The following ABCB5 variants were observed in gnomAD, a reference collection of about 807,000 sequenced individuals.
ABCB5 encodes the protein ATP-binding cassette sub-family B member 5.
In ABCB5, 155 loss-of-function variants were observed where a neutral mutation model predicts 144.2. That is an observed-to-expected ratio of 1.08 (90% CI 0.94 to 1.23). The LOEUF (loss-of-function observed/expected upper bound fraction) is 1.23, where lower values mean the gene tolerates loss of function less well. ABCB5 is among the 50% of genes most tolerant of loss of function. The probability of loss-of-function intolerance (pLI) is 0.00; values close to 1 mark genes in which losing one functional copy is unlikely to be tolerated. For synonymous variants in ABCB5, 610 were observed against 528.6 expected (o/e 1.15, Z -2.11); for missense variants, 1,830 against 1,520.8 (o/e 1.20, Z -3.38).
At chr7:20,668,739 G>A (rs1355929960) in intron 14 of ABCB5, among the ~76,000 whole-genome samples, 46 of 141,350 alleles carry the variant, frequency 3.3e-4, no homozygotes, top group Non-Finnish European at 5.0e-4. Context: ...TCAGCCCCCC[G>A]CCCGGCCAGC....
intron 9 of ABCB5, 86 bp from the exon 10 acceptor site, chr7:20,647,449 G>C: frequency 6.9e-7 from 1 of 1,445,740 alleles, no homozygotes; most frequent in Non-Finnish European, 9.1e-7. Flanking sequence ...CTCTCTGTGA[G>C]CCTAAACCAA....
chr7:20,622,633 T>C (rs1783824856), intron 1 of ABCB5, among the ~76,000 whole-genome samples: 1 of 152,234 alleles, frequency 6.6e-6, no homozygotes, highest in African/African-American at 2.4e-5. Flanking sequence ...AGATCCATAA[T>C]AAAATGATAA....
chr7:20,721,496 T>G (rs2128049352), intron 20 of ABCB5, among the ~76,000 whole-genome samples: 1 of 152,328 alleles, frequency 6.6e-6, no homozygotes, highest in African/African-American at 2.4e-5. Flanking sequence ...TTACTATTTA[T>G]TTTTGACCTT....
At chr7:20,674,155 T>C (rs1289673567) in intron 14 of ABCB5, among the ~76,000 whole-genome samples, 1 of 151,994 alleles carries the variant, frequency 6.6e-6, no homozygotes, top group Admixed American at 6.5e-5. Context: ...TCATTAGTTT[T>C]TAAAAAAATT....
chr7:20,749,885 A>G (rs1232989659), intron 26 of ABCB5, among the ~76,000 whole-genome samples: 1 of 152,206 alleles, frequency 6.6e-6, no homozygotes, highest in African/African-American at 2.4e-5. Flanking sequence ...AGCCTGAGCA[A>G]AAACATGGAG....
chr7:20,728,401 G>T lies in ABCB5; in HGVS notation c.2813G>T (p.Arg938Leu). 2.5e-6 allele frequency: 4 copies of T among 1,614,162 alleles called. No homozygotes were observed. The highest frequency in any genetic ancestry group is 3.4e-6 in the Non-Finnish European group (4 of 1,180,024). The part of the protein sequence containing the change: ...FIYFAYAAGF[R>L]FGAYLIQAGR... ...TATTTTGCCTATGCGGCAGGGTTTC[G>T]ATTTGGAGCCTATTTAATTCAAGCT... Residue 938 changes from arginine (R) to leucine (L), a missense_variant, in exon 23 of 28, where the codon CGA becomes CTA. Coordinates refer to ENST00000404938, the MANE Select transcript of ABCB5 (RefSeq NM_001163941.2).
At chr7:20,638,660 G>A (rs1583384435) in intron 5 of ABCB5, among the ~76,000 whole-genome samples, 1 of 152,102 alleles carries the variant, frequency 6.6e-6, no homozygotes, top group Non-Finnish European at 1.5e-5. Context: ...TGTTTTTGAG[G>A]TTCATCCATG....
At chr7:20,711,629 T>C (rs984279978) in intron 20 of ABCB5, among the ~76,000 whole-genome samples, 1 of 148,028 alleles carries the variant, frequency 6.8e-6, no homozygotes, top group Non-Finnish European at 1.5e-5. Context: ...GTCCAGTTAA[T>C]TGTTTGTAGA....
intron 16 of ABCB5, among the ~76,000 whole-genome samples, chr7:20,686,290 G>A (rs746913836): frequency 5.3e-5 from 8 of 152,106 alleles, no homozygotes; most frequent in Non-Finnish European, 8.8e-5. Flanking sequence ...ACTTGGATGG[G>A]AGTATTTGTT....
intron 1 of ABCB5, among the ~76,000 whole-genome samples, chr7:20,620,637 G>A (rs1198069120): frequency 6.6e-6 from 1 of 151,998 alleles, no homozygotes; most frequent in African/African-American, 2.4e-5. Context: ...GTAAGCATAT[G>A]AGATACTCAA....
chr7:20,686,049 T>C (rs754539023), intron 16 of ABCB5, among the ~76,000 whole-genome samples: 5 of 152,120 alleles, frequency 3.3e-5, no homozygotes, highest in Non-Finnish European at 7.4e-5. Flanking sequence ...CCCTTCTTTA[T>C]TGGGGAAAAA....
chr7:20,640,807 C>T (rs1037687553), intron 5 of ABCB5, among the ~76,000 whole-genome samples: 3 of 152,168 alleles, frequency 2.0e-5, no homozygotes, highest in Non-Finnish European at 4.4e-5. Flanking sequence ...TAATGAGCAT[C>T]AATTGTATTT....
chr7:20,655,424 G>C (rs374433319), intron 13 of ABCB5, among the ~76,000 whole-genome samples: 138 of 152,222 alleles, frequency 9.1e-4, no homozygotes, highest in African/African-American at 3.0e-3. Flanking sequence ...AGTGAGCTGA[G>C]ATAGCACCAC....
At chr7:20,740,971 G>T (rs1445036234) in intron 24 of ABCB5, among the ~76,000 whole-genome samples, 1 of 151,702 alleles carries the variant, frequency 6.6e-6, no homozygotes, top group African/African-American at 2.4e-5. Context: ...GGGTGTGGGG[G>T]CAATGCCTGT....
intron 1 of ABCB5, among the ~76,000 whole-genome samples, chr7:20,618,075 G>C (rs1453271881): frequency 1.3e-5 from 2 of 152,138 alleles, no homozygotes; most frequent in Non-Finnish European, 2.9e-5. Context: ...ATCATAGAAT[G>C]TACCCATTTA....
At position 20,753,421 on chromosome 7, in the gene ABCB5, T is replaced by G; in HGVS notation, c.3491T>G (p.Leu1164Arg). 1 of 1,614,166 alleles carries G rather than the reference T, an allele frequency of 6.2e-7. No individual in the cohort carries two copies. The change falls in exon 27 of 28, where the codon CTA becomes CGA. Residue 1164 changes from leucine to arginine, a missense_variant. Leu to Arg is a moderately radical substitution (Grantham distance 102, BLOSUM62 -2). Transcript: ENST00000404938. ...CTTTCTGGCGGCCAGAAACAAAGAC[T>G]AGCTATTGCAAGGGCTCTTCTCCAA... is the stretch of plus-strand genomic sequence containing the variant. Reference protein sequence around the residue: ...AQLSGGQKQRLAIARALLQKP... With the variant: ...AQLSGGQKQRRAIARALLQKP...
chr7:20,720,833 A>G (rs939426571), intron 20 of ABCB5, among the ~76,000 whole-genome samples: 19 of 151,096 alleles, frequency 1.3e-4, no homozygotes, highest in African/African-American at 4.6e-4. Context: ...AGTCCCAGCT[A>G]CACGGGAGGC....
intron 20 of ABCB5, among the ~76,000 whole-genome samples, chr7:20,710,345 C>T (rs1196152714): frequency 9.6e-6 from 1 of 104,394 alleles, no homozygotes; most frequent in Non-Finnish European, 1.7e-5. Context: ...CCAGCCTGGG[C>T]AACAAGAGTG....
chr7:20,752,304 G>C (rs1782955399), intron 26 of ABCB5, among the ~76,000 whole-genome samples: 2 of 152,166 alleles, frequency 1.3e-5, no homozygotes, highest in Non-Finnish European at 2.9e-5. Flanking sequence ...GTGAAGCCTT[G>C]AAAGGAAGCA....
Sources: allele counts gnomAD v4.1 joint callset (sites outside exome capture counted in the v4.1 genomes callset), GRCh38; gene constraint gnomAD v4.1.1; transcripts MANE v1.5; gene names NCBI Gene and HGNC (gene_info 2026-07-23, HGNC 2026-07-21).